The following STK3 variants were observed in gnomAD, a reference collection of about 807,000 sequenced individuals.
STK3 encodes the protein serine/threonine-protein kinase 3.
In STK3, 41 loss-of-function variants were observed where a neutral mutation model predicts 58.0. The observed-to-expected ratio is 0.71, with a 90% CI of 0.55 to 0.92. The LOEUF (loss-of-function observed/expected upper bound fraction) is 0.92. Among genes scored for constraint, STK3 ranks in the 40% least tolerant of loss-of-function variants. The pLI is 0.00. For missense variants in STK3, 479 were observed against 602.7 expected, an observed-to-expected ratio of 0.79 and a Z score of 2.15; for synonymous variants, 170 against 191.0, an observed-to-expected ratio of 0.89 and a Z score of 0.91.
At chr8:98,933,143 T>C (rs777012390) in intron 1 of STK3, among the ~76,000 whole-genome samples, 1 of 152,226 alleles carries the variant, frequency 6.6e-6, no homozygotes. Flanking sequence ...TTATTAGGTA[T>C]TGTATTCTAA....
At chr8:98,665,707 A>ATTTTT (rs373663162) in intron 6 of STK3, among the ~76,000 whole-genome samples, 3 of 138,932 alleles carry the variant, frequency 2.2e-5, no homozygotes, top group Non-Finnish European at 4.7e-5. Flanking sequence ...ACCCATCCTG[A>ATTTTT]TTTTTTTTTT....
chr8:98,649,885 A>C (rs1820739416), intron 6 of STK3, among the ~76,000 whole-genome samples: 1 of 152,198 alleles, frequency 6.6e-6, no homozygotes, highest in African/African-American at 2.4e-5. Flanking sequence ...CCTTCATTTC[A>C]ATTCCAGTGT....
At chr8:98,838,478 G>T (rs1375140683) in intron 3 of STK3, among the ~76,000 whole-genome samples, 1 of 152,120 alleles carries the variant, frequency 6.6e-6, no homozygotes, top group Non-Finnish European at 1.5e-5. Context: ...TGTACTGGTG[G>T]CATCAGTTAA....
At position 98,739,255 on chromosome 8, in the gene STK3, C is replaced by T. The variant is rs548397107; in HGVS notation, c.351+10021G>A. Among the ~76,000 whole-genome samples the T allele has an allele frequency of 7.4e-3, 1,132 of 152,312 alleles. 8 individuals are homozygous for T. The highest frequency in any genetic ancestry group is 0.025 in the African/African-American group (1,045 of 41,556). ...GAAGACAGCAGTGGTTCTCCCAGCA[C>T]GCAGCTGGAGATCTGAGAACGGGCA... is the stretch of plus-strand genomic sequence containing the variant. On this transcript the variant is annotated intron_variant, in intron 4 of 10. Coordinates refer to ENST00000419617, the MANE Select transcript of STK3 (RefSeq NM_006281.4).
intron 3 of STK3, among the ~76,000 whole-genome samples, chr8:98,421,208 C>T (rs758578160): frequency 1.3e-5 from 2 of 152,166 alleles, no homozygotes; most frequent in African/African-American, 2.4e-5. Flanking sequence ...CAGCTGTCAG[C>T]CTCCCACAGA....
chr8:98,363,778 C>T, the STK3 span, among the ~76,000 whole-genome samples: 2 of 152,212 alleles, frequency 1.3e-5, no homozygotes, highest in Admixed American at 6.5e-5. Flanking sequence ...CCCTCCCTGA[C>T]TTGAGCAGTC....
chr8:98,922,732 C>T (rs1839613018), intron 1 of STK3, among the ~76,000 whole-genome samples: 1 of 152,204 alleles, frequency 6.6e-6, no homozygotes, highest in Non-Finnish European at 1.5e-5. Flanking sequence ...CATATTTAAA[C>T]TATAGTATTT....
intron 3 of STK3, among the ~76,000 whole-genome samples, chr8:98,831,842 C>T (rs1219790839): frequency 6.6e-6 from 1 of 152,126 alleles, no homozygotes; most frequent in Non-Finnish European, 1.5e-5. Context: ...CAATCTTAAA[C>T]TATTATTTAA....
chr8:98,706,129 C>G (rs998343809), intron 6 of STK3, among the ~76,000 whole-genome samples: 1 of 151,402 alleles, frequency 6.6e-6, no homozygotes, highest in African/African-American at 2.4e-5. Context: ...ACTTCCAACT[C>G]TTTCACTACC....
intron 6 of STK3, among the ~76,000 whole-genome samples, chr8:98,690,365 A>T (rs1293504618): frequency 6.6e-6 from 1 of 152,176 alleles, no homozygotes; most frequent in South Asian, 2.1e-4. Flanking sequence ...AAGTCAATGT[A>T]CAAAAATCAG....
chr8:98,671,344 G>A (rs1020724274), intron 6 of STK3, among the ~76,000 whole-genome samples: 1 of 151,844 alleles, frequency 6.6e-6, no homozygotes, highest in African/African-American at 2.4e-5. Context: ...CCATGGTAAG[G>A]AACAAAGCAG....
intron 1 of STK3, among the ~76,000 whole-genome samples, chr8:98,908,601 T>A (rs1473897228): frequency 2.0e-5 from 3 of 152,136 alleles, no homozygotes; most frequent in Non-Finnish European, 4.4e-5. Flanking sequence ...GTCCCAGCAC[T>A]TTGGGAGGCC....
intron 10 of STK3, among the ~76,000 whole-genome samples, chr8:98,510,456 A>AG (rs1350231213): frequency 7.8e-6 from 1 of 128,206 alleles, no homozygotes; most frequent in Non-Finnish European, 1.8e-5. Flanking sequence ...GTAACATCAG[A>AG]GGGTTTTTTT....
intron 7 of STK3, among the ~76,000 whole-genome samples, chr8:98,589,825 A>T (rs1052938010): frequency 4.6e-5 from 7 of 152,198 alleles, no homozygotes; most frequent in Admixed American, 4.6e-4. Flanking sequence ...AGCCCGTCGG[A>T]AAAGTGCAGT....
At chr8:98,451,630 T>C (rs1586592497), downstream of STK3, among the ~76,000 whole-genome samples, 1 of 152,152 alleles carries the variant, frequency 6.6e-6, no homozygotes, top group South Asian at 2.1e-4. Flanking sequence ...GGTGGAAGAA[T>C]TGAGCTGGTT....
chr8:98,640,495 T>C (rs959799069), intron 6 of STK3, among the ~76,000 whole-genome samples: 1 of 152,188 alleles, frequency 6.6e-6, no homozygotes, highest in East Asian at 1.9e-4. Context: ...AGTGAAGGGT[T>C]CCTAATATTC....
At chr8:98,644,889 T>C (rs1820283889) in intron 6 of STK3, among the ~76,000 whole-genome samples, 1 of 152,232 alleles carries the variant, frequency 6.6e-6, no homozygotes, top group South Asian at 2.1e-4. Flanking sequence ...AATGCAATTC[T>C]ATGAAAGTAT....
At chr8:98,366,018 C>T in the STK3 span, among the ~76,000 whole-genome samples, 3 of 152,006 alleles carry the variant, frequency 2.0e-5, no homozygotes, top group South Asian at 4.2e-4. Context: ...TAAGATATAA[C>T]CTAGAAGAGG....
chr8:98,647,562 T>C (rs919634962), intron 6 of STK3, among the ~76,000 whole-genome samples: 2 of 152,234 alleles, frequency 1.3e-5, no homozygotes, highest in African/African-American at 4.8e-5. Context: ...TGTTTGTTTT[T>C]TGAGACAGGG....
Sources: allele counts gnomAD v4.1 joint callset (sites outside exome capture counted in the v4.1 genomes callset), GRCh38; gene constraint gnomAD v4.1.1; transcripts MANE v1.5; gene names NCBI Gene and HGNC (gene_info 2026-07-23, HGNC 2026-07-21).